Variants in TEX2 observed in about 807,000 individuals in gnomAD.
TEX2 encodes the protein testis-expressed protein 2.
A neutral mutation model predicts 106.9 loss-of-function variants in TEX2; 53 were observed. That is an observed-to-expected ratio of 0.50 (90% CI 0.40 to 0.62). TEX2 has a LOEUF of 0.62. Ranked by LOEUF, TEX2 falls within the 20% of genes least tolerant of loss-of-function variation. The pLI, the probability that TEX2 is intolerant of heterozygous loss-of-function variation, is 0.00. For synonymous variants in TEX2, 523 were observed against 534.8 expected, an observed-to-expected ratio of 0.98 and a Z score of 0.30; for missense variants, 1,207 against 1,379.0, an observed-to-expected ratio of 0.88 and a Z score of 1.98.
chr17:64,154,579 T>A (rs1320823009), intron 9 of TEX2, among the ~76,000 whole-genome samples: 1 of 152,212 alleles, frequency 6.6e-6, no homozygotes, highest in Non-Finnish European at 1.5e-5. Context: ...ATGCTTTTCA[T>A]CATCAGCACA....
intron 1 of TEX2, among the ~76,000 whole-genome samples, chr17:64,237,821 T>A (rs1408102015): frequency 1.3e-5 from 2 of 152,098 alleles, no homozygotes; most frequent in African/African-American, 4.8e-5. Context: ...AGTGTGAGTA[T>A]CAGAAAGGTG....
At chr17:64,161,883 A>G (rs1186583082) in intron 7 of TEX2, among the ~76,000 whole-genome samples, 1 of 152,132 alleles carries the variant, frequency 6.6e-6, no homozygotes, top group Non-Finnish European at 1.5e-5. Context: ...AATGACATCT[A>G]AAAGGAAGCA....
At chr17:64,156,603 G>A (rs535392230) in intron 8 of TEX2, among the ~76,000 whole-genome samples, 1 of 152,320 alleles carries the variant, frequency 6.6e-6, no homozygotes, top group African/African-American at 2.4e-5. Context: ...TCCTATGAAA[G>A]CCTAAACCGG....
chr17:64,170,541 G>A (rs946669601), intron 7 of TEX2, among the ~76,000 whole-genome samples: 1 of 150,358 alleles, frequency 6.7e-6, no homozygotes, highest in East Asian at 2.0e-4. Context: ...GCTGGCATGT[G>A]TGCATCACTG....
chr17:64,238,840 T>C (rs1045467848), intron 1 of TEX2, among the ~76,000 whole-genome samples: 1 of 152,040 alleles, frequency 6.6e-6, no homozygotes, highest in Non-Finnish European at 1.5e-5. Context: ...AACTTCAAAA[T>C]GGAGAAAGAA....
In TEX2 at chr17:64,252,966, G is replaced by T. The variant is rs181467153; in HGVS notation, c.-26+10202C>A. On this transcript the variant is annotated intron_variant, in intron 1 of 11. Transcript: ENST00000584379. ...GCTCCCTTCCAACTGGGAAGAGAAA[G>T]GTGGCCAGTGTGCCTGGAATACAAT... Among the ~76,000 whole-genome samples, 4 of 152,152 alleles carry T rather than the reference G, an allele frequency of 2.6e-5. No individual in the cohort carries two copies. The East Asian group carries it at 7.7e-4, about 29-fold the overall frequency.
In TEX2 at chr17:64,195,460, C is replaced by A. The variant is rs1464711422; in HGVS notation, c.1645-365G>T. On this transcript the variant is annotated intron_variant, in intron 2 of 11. Transcript: ENST00000584379. The surrounding 1 kb of genome is among the most constrained non-coding windows in gnomAD (Gnocchi z 4.1). ...TTTGGGGTGATTAATCCCACCCAGT[C>A]TGGCCTTCTTAATTAGCTAAACACA... 2.0e-5 allele frequency among the ~76,000 whole-genome samples: 3 copies of A among 152,192 alleles called. No homozygotes were observed. Among genetic ancestry groups the A allele is most frequent in the Admixed American group, 2.0e-4 (3 of 15,284 alleles).
At chr17:64,199,923 C>T (rs1360149567) in intron 2 of TEX2, among the ~76,000 whole-genome samples, 6 of 152,338 alleles carry the variant, frequency 3.9e-5, no homozygotes, top group African/African-American at 1.2e-4. Context: ...TTTCAACACA[C>T]TCAGTCTTAG....
At chr17:64,193,463 G>GGTTGCTTC in intron 4 of TEX2, 96 bp downstream of exon 4, 11 of 993,968 alleles carry the variant, frequency 1.1e-5, no homozygotes, top group African/African-American at 1.7e-5. Flanking sequence ...TTCAGGGTGG[G>GGTTGCTTC]CTTCCTTCCT....
At chr17:64,235,884 G>A (rs1425104377) in intron 1 of TEX2, among the ~76,000 whole-genome samples, 1 of 151,944 alleles carries the variant, frequency 6.6e-6, no homozygotes, top group Admixed American at 6.6e-5. Flanking sequence ...CATTAGCCTA[G>A]GACTTTACCG....
chr17:64,193,684 T>A lies in TEX2; in HGVS notation c.2051A>T (p.Asp684Val), dbSNP rs142385864. 6 of 1,604,310 alleles carry A rather than the reference T, an allele frequency of 3.7e-6. No homozygotes were observed. In the African/African-American group the frequency reaches 8.1e-5, roughly 22 times the overall value. ...PQEGTRSSQR[D>V]QILYLFGRTG... ...TCTCCCAAAGAGATAGAGTATCTGA[T>A]CTCGCTGGCTAGATCTTGTTCCCTC... The change falls in exon 4 of 12, where the codon GAT becomes GTT. Residue 684 changes from aspartate (D) to valine (V), a missense_variant. Asp to Val is a radical substitution (Grantham distance 152). Coordinates refer to ENST00000584379, the MANE Select transcript of TEX2 (RefSeq NM_001288732.2).
At chr17:64,224,363 A>G (rs2033446469) in intron 1 of TEX2, among the ~76,000 whole-genome samples, 1 of 152,248 alleles carries the variant, frequency 6.6e-6, no homozygotes, top group Non-Finnish European at 1.5e-5. Context: ...GATTTAGCCT[A>G]CAAATCTCAA....
intron 1 of TEX2, among the ~76,000 whole-genome samples, chr17:64,241,090 T>C (rs1555635715): frequency 6.6e-6 from 1 of 152,204 alleles, no homozygotes; most frequent in African/African-American, 2.4e-5. Flanking sequence ...TTCAGGGCCA[T>C]GCTGAAGCCA....
At chr17:64,204,942 G>A (rs1555630592) in intron 2 of TEX2, among the ~76,000 whole-genome samples, 1 of 151,852 alleles carries the variant, frequency 6.6e-6, no homozygotes, top group Non-Finnish European at 1.5e-5. Flanking sequence ...GCACATGGGG[G>A]GTTCATTTTA....
chr17:64,226,027 C>T (rs782560975), intron 1 of TEX2, among the ~76,000 whole-genome samples: 1 of 152,136 alleles, frequency 6.6e-6, no homozygotes, highest in African/African-American at 2.4e-5. Flanking sequence ...CAAAACAACA[C>T]ATTTTCAAAA....
intron 7 of TEX2, among the ~76,000 whole-genome samples, chr17:64,169,073 CT>C (rs1322031287): frequency 6.6e-6 from 1 of 152,058 alleles, no homozygotes; most frequent in Non-Finnish European, 1.5e-5. Flanking sequence ...GAGTCTCGCT[CT>C]GTCGCCCAGG....
At position 64,150,961 on chromosome 17, in the gene TEX2, C is replaced by T; in HGVS notation, c.3141G>A (p.Trp1047Ter). The change falls in exon 11 of 12, where the codon TGG becomes TGA. Residue 1047 changes from tryptophan (W) to a stop codon, truncating the protein, a stop_gained and splice_region_variant. Transcript: ENST00000584379. LOFTEE classifies it high-confidence loss of function. ...NIPPPPTDRV[W>*]YGFRKPPHVE... is the part of the protein sequence containing the mutation. Reference sequence around the variant, plus strand: ...CATGTGGTGGCTTTCGGAAACCATACCTTTTTGAAGACAAGTAATAACCAC... The same window carrying T: ...CATGTGGTGGCTTTCGGAAACCATATCTTTTTGAAGACAAGTAATAACCAC... The T allele has an allele frequency of 1.2e-6, 2 of 1,613,426 alleles. No homozygotes were observed. The highest frequency in any genetic ancestry group is 1.7e-6 in the Non-Finnish European group (2 of 1,179,692).
At chr17:64,233,946 C>G (rs2033712708) in intron 1 of TEX2, among the ~76,000 whole-genome samples, 1 of 152,200 alleles carries the variant, frequency 6.6e-6, no homozygotes, top group African/African-American at 2.4e-5. Context: ...GGACGTGGTC[C>G]TAACCCCCCA....
At chr17:64,212,446 GCCCCA>G in intron 2 of TEX2, 123 bp downstream of exon 2, 1 of 805,068 alleles carries the variant, frequency 1.2e-6, no homozygotes, top group Admixed American at 2.3e-5. Context: ...GAATGAAGTG[GCCCCA>G]AGCTCTTAAA....
Sources: gnomAD v4.1 joint callset for allele counts (sites outside exome capture counted in the v4.1 genomes callset) on GRCh38, gnomAD v4.1.1 for gene constraint, Gnocchi (gnomAD v3.1) non-coding constraint, MANE v1.5 for transcripts, NCBI Gene and HGNC (gene_info 2026-07-23, HGNC 2026-07-21) for gene names.